Variants in CDH12 observed in about 807,000 individuals in gnomAD.
CDH12 encodes cadherin-12.
A neutral mutation model predicts 74.1 loss-of-function variants in CDH12; 41 were observed. The ratio of observed to expected loss-of-function variants is 0.55; its 90% confidence interval spans 0.43 to 0.72. The LOEUF is 0.72. Ranked by LOEUF, CDH12 falls within the 30% of genes least tolerant of loss-of-function variation. CDH12 has a pLI of 0.00. For missense variants in CDH12, 945 were observed against 977.2 expected (o/e 0.97, Z 0.44); for synonymous variants, 399 against 355.0 (o/e 1.12, Z -1.39).
chr5:22,317,290 C>G (rs145105760), intron 3 of CDH12, among the ~76,000 whole-genome samples: 1 of 151,860 alleles, frequency 6.6e-6, no homozygotes, highest in Non-Finnish European at 1.5e-5. Context: ...TGTAATCCAG[C>G]CTAGGCTACA....
chr5:21,938,723 C>CATATATATATATATATATATAT lies in CDH12; in HGVS notation c.526+36346_526+36367dup, dbSNP rs545475183. Reference sequence around the variant, plus strand: ...TATAATATTTTATATATATAATATACATATATATATATATATATATATATA... The same window carrying CATATATATATATATATATATAT: ...TATAATATTTTATATATATAATATACATATATATATATATATATATATATATATATATATATATATATATATA... On this transcript the variant is annotated intron_variant, in intron 6 of 14. Transcript: ENST00000382254. Among the ~76,000 whole-genome samples the CATATATATATATATATATATAT allele has an allele frequency of 1.6e-3, 181 of 111,976 alleles. 8 individuals are homozygous for CATATATATATATATATATATAT. Among genetic ancestry groups the CATATATATATATATATATATAT allele is most frequent in the African/African-American group, 3.5e-3 (89 of 25,112 alleles). The allele number at this position is 111,976 out of a possible 152,430, so 73.5% of individuals were successfully genotyped here. A position where few individuals can be genotyped will look rare whatever the true frequency, so the allele number is the denominator to read the frequency against.
intron 12 of CDH12, among the ~76,000 whole-genome samples, chr5:21,763,830 A>G (rs1009087672): frequency 1.3e-5 from 2 of 152,190 alleles, no homozygotes; most frequent in Admixed American, 6.5e-5. Flanking sequence ...TTCTTTCCTC[A>G]TAACATCTTC....
At chr5:22,478,594 A>G (rs1746266805) in intron 2 of CDH12, among the ~76,000 whole-genome samples, 1 of 152,030 alleles carries the variant, frequency 6.6e-6, no homozygotes, top group Non-Finnish European at 1.5e-5. Flanking sequence ...AAAGATACTA[A>G]TAAATAATAT....
chr5:22,234,255 G>A (rs527378445), intron 3 of CDH12, among the ~76,000 whole-genome samples: 8 of 152,204 alleles, frequency 5.3e-5, no homozygotes, highest in African/African-American at 1.7e-4. Flanking sequence ...TGGTTTGGCT[G>A]TGTCCCCACC....
intron 4 of CDH12, among the ~76,000 whole-genome samples, chr5:22,150,585 C>T (rs1417765946): frequency 7.2e-5 from 11 of 151,782 alleles, no homozygotes; most frequent in African/African-American, 2.4e-4. Flanking sequence ...CTATGCTGAA[C>T]ATTTGGCTAT....
At chr5:22,000,410 C>T (rs576258626) in intron 5 of CDH12, among the ~76,000 whole-genome samples, 1 of 152,294 alleles carries the variant, frequency 6.6e-6, no homozygotes, top group East Asian at 1.9e-4. Flanking sequence ...CAAATGATAT[C>T]TGCAAGACCA....
At chr5:22,821,217 T>C (rs1222611814) in intron 1 of CDH12, among the ~76,000 whole-genome samples, 1 of 152,148 alleles carries the variant, frequency 6.6e-6, no homozygotes, top group Admixed American at 6.5e-5. Context: ...ATAAATTAGG[T>C]ATTGATGGGA....
chr5:22,507,729 T>C (rs899225116), intron 1 of CDH12, among the ~76,000 whole-genome samples: 5 of 152,198 alleles, frequency 3.3e-5, no homozygotes, highest in Non-Finnish European at 7.3e-5. Context: ...CTGTGACAAG[T>C]AATTACCATA....
Position 22,164,145 on chromosome 5 carries a change from TGGGCCACTTCCAAAATGGCGGC to T in CDH12, c.-187+48331_-187+48352del, listed in dbSNP as rs941463185. Among the ~76,000 whole-genome samples the T allele has an allele frequency of 1.1e-4, 16 of 152,296 alleles. No individual in the cohort carries two copies. The East Asian group carries it at 1.5e-3, about 15-fold the overall frequency. ...GCTCCCAGAGCTCCCAAGATGGTCG[TGGGCCACTTCCAAAATGGCGGC>T]GGGCCACTTCCAAGATGGTGGCAAG... On this transcript the variant is annotated intron_variant, in intron 4 of 14. Coordinates refer to ENST00000382254, the MANE Select transcript of CDH12 (RefSeq NM_004061.5).
intron 2 of CDH12, among the ~76,000 whole-genome samples, chr5:22,482,649 G>T (rs1746429001): frequency 6.6e-6 from 1 of 152,036 alleles, no homozygotes; most frequent in African/African-American, 2.4e-5. Context: ...GTTTAATGTT[G>T]TCAGCATAAG....
At chr5:22,608,147 C>T (rs1459766907) in intron 1 of CDH12, among the ~76,000 whole-genome samples, 2 of 152,154 alleles carry the variant, frequency 1.3e-5, no homozygotes, top group East Asian at 3.9e-4. Context: ...GTAAAAGCTG[C>T]AGACACTCAA....
intron 2 of CDH12, among the ~76,000 whole-genome samples, chr5:22,420,053 A>C (rs1007670447): frequency 2.6e-5 from 4 of 151,602 alleles, no homozygotes; most frequent in African/African-American, 9.7e-5. Flanking sequence ...TGTTTAAGTT[A>C]CTTGTAGATT....
intron 5 of CDH12, among the ~76,000 whole-genome samples, chr5:22,020,201 A>G (rs1335526811): frequency 6.6e-6 from 1 of 152,116 alleles, no homozygotes; most frequent in Non-Finnish European, 1.5e-5. Flanking sequence ...ATAACAGAAG[A>G]CCACAGGGTG....
chr5:22,394,376 C>G (rs77712539), intron 3 of CDH12, among the ~76,000 whole-genome samples: 2,779 of 152,116 alleles, frequency 0.018, 40 homozygotes, highest in Middle Eastern at 0.078. Context: ...GATAATATGA[C>G]AGAAAATTGC....
intron 1 of CDH12, among the ~76,000 whole-genome samples, chr5:22,532,375 A>ATATATATATATATATATATATATATATG (rs1178546849): frequency 2.1e-4 from 16 of 75,822 alleles, no homozygotes; most frequent in Admixed American, 4.2e-4. Flanking sequence ...ATATATATAT[A>ATATATATATATATATATATATATATATG]TATGTATGTA....
intron 3 of CDH12, among the ~76,000 whole-genome samples, chr5:22,255,149 T>C (rs1753268547): frequency 6.6e-6 from 1 of 151,936 alleles, no homozygotes; most frequent in African/African-American, 2.4e-5. Context: ...ATTTATATTT[T>C]TCTGTTTGCT....
At chr5:22,477,545 C>T (rs1746214762) in intron 2 of CDH12, among the ~76,000 whole-genome samples, 1 of 152,082 alleles carries the variant, frequency 6.6e-6, no homozygotes, top group African/African-American at 2.4e-5. Flanking sequence ...CTGCAATGAA[C>T]GTATGCATGC....
At chr5:22,459,314 C>T (rs1307872020) in intron 2 of CDH12, among the ~76,000 whole-genome samples, 2 of 151,486 alleles carry the variant, frequency 1.3e-5, no homozygotes, top group Non-Finnish European at 2.9e-5. Context: ...ATTTTAATAC[C>T]AAAATTAAGA....
intron 1 of CDH12, among the ~76,000 whole-genome samples, chr5:22,740,969 A>G (rs1744997739): frequency 6.6e-6 from 1 of 152,170 alleles, no homozygotes; most frequent in South Asian, 2.1e-4. Context: ...TTTTTTAGAA[A>G]CAATAGGGGA....
Sources: allele counts gnomAD v4.1 joint callset (sites outside exome capture counted in the v4.1 genomes callset), GRCh38; gene constraint gnomAD v4.1.1; transcripts MANE v1.5; gene names NCBI Gene and HGNC (gene_info 2026-07-23, HGNC 2026-07-21).